Variants in SMARCA2 observed in about 807,000 individuals in gnomAD.
SMARCA2 encodes SWI/SNF-related matrix-associated actin-dependent regulator of chromatin subfamily A member 2.
Under a neutral mutation model 199.8 loss-of-function variants are expected in SMARCA2, and 61 were observed. That is an observed-to-expected ratio of 0.31 (90% CI 0.25 to 0.38). The LOEUF (loss-of-function observed/expected upper bound fraction) is 0.38. Ranked by LOEUF, SMARCA2 falls within the 10% of genes least tolerant of loss-of-function variation. The pLI is 1.00. For missense variants in SMARCA2, 1,344 were observed against 2,012.2 expected (o/e 0.67, Z 6.35); for synonymous variants, 935 against 732.0 (o/e 1.28, Z -4.48).
intron 7 of SMARCA2, chr9:2,058,063 T>C (rs573802614): frequency 4.8e-6 from 2 of 415,296 alleles, no homozygotes; most frequent in African/African-American, 2.0e-5. Context: ...AGGAGGCTTC[T>C]CTTGCTAAAG....
Position 2,175,400 on chromosome 9 carries a change from A to C in SMARCA2, c.4253+4928A>C, listed in dbSNP as rs185923439. ...TTTGTAGTAATAAATGCAATGGGAG[A>C]ATCCTGAAGAAATGCATAGAAACTG... is the stretch of plus-strand genomic sequence containing the variant. On this transcript the variant is annotated intron_variant, in intron 29 of 33. Transcript: ENST00000349721. Among the ~76,000 whole-genome samples the C allele has an allele frequency of 3.3e-5, 5 of 151,240 alleles. No homozygotes were observed. The Admixed American group carries it at 3.3e-4, about 10-fold the overall frequency.
intron 32 of SMARCA2, among the ~76,000 whole-genome samples, chr9:2,190,303 T>A (rs1372699294): frequency 6.7e-6 from 1 of 150,162 alleles, no homozygotes; most frequent in African/African-American, 2.5e-5. Flanking sequence ...TCTACCAAGA[T>A]ACATTGAAAT....
chr9:2,095,088 A>ATTTT (rs773120638), intron 19 of SMARCA2, among the ~76,000 whole-genome samples: 1 of 144,906 alleles, frequency 6.9e-6, no homozygotes. Flanking sequence ...AAAAATTAGA[A>ATTTT]TTTTTTTTTT....
rs527359506 is a variant in SMARCA2, at chr9:2,055,219, A to G, written c.1173+496A>G. On this transcript the variant is annotated intron_variant, in intron 6 of 33. Transcript: ENST00000349721. ...GCAATGTCTTATAGCTTATTTATTC[A>G]CCGATGTCTAAGTTTGGAGTGTTTG... Among the ~76,000 whole-genome samples, 6 of 152,376 alleles carry G rather than the reference A, an allele frequency of 3.9e-5. No individual in the cohort carries two copies. The East Asian group carries it at 7.7e-4, about 20-fold the overall frequency.
In SMARCA2 at chr9:2,077,647, G is replaced by T. The variant is rs1197825388; in HGVS notation, c.2055G>T (p.Val685=). 1.9e-6 allele frequency: 3 copies of T among 1,613,926 alleles called. No individual in the cohort carries two copies. The highest frequency in any genetic ancestry group is 2.5e-6 in the Non-Finnish European group (3 of 1,179,854). ...KQIIETAKQD[V]DDEYSMQYSA... ...TTCCCAGGACAGCTAAGCAAGACGT[G>T]GATGATGAATACAGCATGCAGTACA... is the stretch of plus-strand genomic sequence containing the variant. The change falls in exon 14 of 34, where the codon GTG becomes GTT. Residue 685 remains valine, a synonymous_variant. Coordinates refer to ENST00000349721, the MANE Select transcript of SMARCA2 (RefSeq NM_003070.5).
At chr9:2,048,062 C>G (rs1819953490) in intron 5 of SMARCA2, 1 of 152,166 alleles carries the variant, frequency 6.6e-6, no homozygotes, top group Non-Finnish European at 1.5e-5. Flanking sequence ...TTTATGCACT[C>G]TGGGGCCATA....
rs763964186 is a variant in SMARCA2 at position 2,039,233 on chromosome 9, CT to C, written c.356-220del. Among the ~76,000 whole-genome samples the C allele has an allele frequency of 0.018, 2,514 of 136,930 alleles. 71 individuals are homozygous for C. Among genetic ancestry groups the C allele is most frequent in the African/African-American group, 0.053 (1,997 of 37,540 alleles). The allele number at this position is 136,930 out of a possible 152,430, so 89.8% of individuals were successfully genotyped here. ...AATACATTTAAATTAACTTTACCTG[CT>C]TTTTTTTTTTTTAACACTTTAAAGT... is the stretch of plus-strand genomic sequence containing the variant. On this transcript the variant is annotated intron_variant, in intron 3 of 33. Coordinates refer to ENST00000349721, the MANE Select transcript of SMARCA2 (RefSeq NM_003070.5). This position sits in a 1 kb window ranked among gnomAD's most constrained non-coding sequence, Gnocchi z 4.8.
chr9:2,109,769 T>C (rs1421983739), intron 23 of SMARCA2, among the ~76,000 whole-genome samples: 1 of 152,246 alleles, frequency 6.6e-6, no homozygotes, highest in Non-Finnish European at 1.5e-5. Context: ...AATGGTAAAG[T>C]AGTAGAAAAG....
chr9:2,137,462 C>G (rs759176018), intron 27 of SMARCA2, among the ~76,000 whole-genome samples: 1 of 152,130 alleles, frequency 6.6e-6, no homozygotes, highest in African/African-American at 2.4e-5. Context: ...CTCCACTGAA[C>G]TCTCCTTCTA....
At chr9:2,171,441 TA>T (rs1826242965) in intron 29 of SMARCA2, among the ~76,000 whole-genome samples, 1 of 152,214 alleles carries the variant, frequency 6.6e-6, no homozygotes, top group Admixed American at 6.5e-5. Context: ...ATAAGGAGAT[TA>T]AAAACTAGTG....
At chr9:2,140,327 G>C (rs1240602212) in intron 27 of SMARCA2, among the ~76,000 whole-genome samples, 2 of 152,136 alleles carry the variant, frequency 1.3e-5, no homozygotes, top group African/African-American at 4.8e-5. Flanking sequence ...TGATGTCATG[G>C]TATATCATTT....
intron 8 of SMARCA2, 130 bp downstream of exon 8, chr9:2,058,594 G>C (rs1820454813): frequency 4.0e-6 from 3 of 748,276 alleles, no homozygotes; most frequent in Non-Finnish European, 6.5e-6. Context: ...AAATTTCTTT[G>C]AACCTTAGGG....
At chr9:2,077,235 T>A (rs1417294065) in intron 13 of SMARCA2, among the ~76,000 whole-genome samples, 1 of 152,142 alleles carries the variant, frequency 6.6e-6, no homozygotes, top group African/African-American at 2.4e-5. Flanking sequence ...GTGAATAGGA[T>A]TTATCTTTGT....
At chr9:2,171,890 T>C (rs1432171681) in intron 29 of SMARCA2, among the ~76,000 whole-genome samples, 1 of 152,192 alleles carries the variant, frequency 6.6e-6, no homozygotes, top group Non-Finnish European at 1.5e-5. Context: ...ATCAATAACT[T>C]TAAAGGCTAT....
At chr9:2,155,874 C>G (rs539321603) in intron 27 of SMARCA2, among the ~76,000 whole-genome samples, 10 of 151,746 alleles carry the variant, frequency 6.6e-5, no homozygotes, top group African/African-American at 2.4e-4. Flanking sequence ...CATTTCAGTC[C>G]CAAATCAGGG....
rs893910798 is a variant in SMARCA2, at chr9:2,186,360, G to T, written c.4594+132G>T. The T allele has an allele frequency of 6.5e-6, 6 of 924,148 alleles. No homozygotes were observed. In the African/African-American group the frequency reaches 1.0e-4, roughly 15 times the overall value. 57.2% of individuals were successfully genotyped at this position (924,148 alleles called of 1,614,324 possible). ...GGAGCCCTTATTCCACTTTGTCCTTGCTGGGCAACCGGTGGCCATGTCCTT... is the reference window on the plus strand; with the variant it reads ...GGAGCCCTTATTCCACTTTGTCCTTTCTGGGCAACCGGTGGCCATGTCCTT... On this transcript the variant is annotated intron_variant, in intron 32 of 33. Transcript: ENST00000349721.
rs1248470384 is a variant in SMARCA2, at chr9:2,192,803, G to T, written c.*64G>T. Reference sequence around the variant, plus strand: ...TCCTCCCCTGTCTCATTTCTACCCAGTGAGTTCATTTGTCATATAGGCACT... The same window carrying T: ...TCCTCCCCTGTCTCATTTCTACCCATTGAGTTCATTTGTCATATAGGCACT... On this transcript the variant is annotated 3_prime_UTR_variant, in exon 34 of 34. Transcript: ENST00000349721. The T allele has an allele frequency of 7.3e-6, 9 of 1,229,084 alleles. No individual in the cohort carries two copies. In the Admixed American group the frequency reaches 1.0e-4, roughly 14 times the overall value. 76.1% of individuals were successfully genotyped at this position (1,229,084 alleles called of 1,614,324 possible). A position where few individuals can be genotyped will look rare whatever the true frequency, so the allele number is the denominator to read the frequency against.
intron 2 of SMARCA2, 107 bp from the exon 3 acceptor site, chr9:2,032,845 G>T: frequency 1.0e-6 from 1 of 975,670 alleles, no homozygotes. Context: ...ATGGGTAGTA[G>T]ATGATAGTGC....
rs1254294449 is a variant in SMARCA2 at position 2,119,732 on chromosome 9, A to G, written c.3762+197A>G. 6.6e-6 allele frequency among the ~76,000 whole-genome samples: 1 copy of G among 152,166 alleles called. No homozygotes were observed. Among genetic ancestry groups the G allele is most frequent in the African/African-American group, 2.4e-5 (1 of 41,430 alleles). ...TTTGGCCCACGCAGCGTTTTTTAAAATTTCCCATTCATTGCCAACATAAAA... is the reference window on the plus strand; with the variant it reads ...TTTGGCCCACGCAGCGTTTTTTAAAGTTTCCCATTCATTGCCAACATAAAA... On this transcript the variant is annotated intron_variant, in intron 26 of 33. Coordinates refer to ENST00000349721, the MANE Select transcript of SMARCA2 (RefSeq NM_003070.5). The surrounding 1 kb of genome is among the most constrained non-coding windows in gnomAD (Gnocchi z 4.6).
Sources: gnomAD v4.1 joint callset for allele counts (sites outside exome capture counted in the v4.1 genomes callset) on GRCh38, gnomAD v4.1.1 for gene constraint, Gnocchi (gnomAD v3.1) non-coding constraint, MANE v1.5 for transcripts, NCBI Gene and HGNC (gene_info 2026-07-23, HGNC 2026-07-21) for gene names.